The following SRGAP2C variants were observed in gnomAD, a reference collection of about 807,000 sequenced individuals.
SRGAP2C encodes the protein SLIT-ROBO Rho GTPase-activating protein 2C.
In SRGAP2C, 15 loss-of-function variants were observed where a neutral mutation model predicts 25.1. The ratio of observed to expected loss-of-function variants is 0.60; its 90% CI spans 0.40 to 0.92. The LOEUF (loss-of-function observed/expected upper bound fraction) is 0.92. Ranked by LOEUF, SRGAP2C falls within the 40% of genes least tolerant of loss-of-function variation. The pLI is 0.00. For synonymous variants in SRGAP2C, 44 were observed against 96.6 expected (o/e 0.46, Z 3.19); for missense variants, 144 against 264.4 (o/e 0.54, Z 3.16).
intron 4 of SRGAP2C, among the ~76,000 whole-genome samples, chr1:121,351,542 G>A (rs1379408762): frequency 1.4e-3 from 192 of 141,180 alleles, no homozygotes; most frequent in African/African-American, 4.8e-3. Flanking sequence ...CCCAGGAGGC[G>A]GAGCTTGCAG....
At chr1:121,302,334 T>C (rs1311852129) in intron 3 of SRGAP2C, among the ~76,000 whole-genome samples, 1 of 152,226 alleles carries the variant, frequency 6.6e-6, no homozygotes, top group Non-Finnish European at 1.5e-5. Context: ...TTTGCCATAA[T>C]GTTAGACTCA....
At chr1:121,285,474 G>A (rs1657342271) in intron 3 of SRGAP2C, among the ~76,000 whole-genome samples, 2 of 149,640 alleles carry the variant, frequency 1.3e-5, no homozygotes, top group Non-Finnish European at 3.0e-5. Flanking sequence ...TTGGGCTGCA[G>A]GGTCTATATT....
intron 3 of SRGAP2C, among the ~76,000 whole-genome samples, chr1:121,306,215 T>C (rs1657833720): frequency 7.0e-6 from 1 of 143,108 alleles, no homozygotes; most frequent in Admixed American, 7.1e-5. Context: ...CCAGTGCCAT[T>C]GTCTGCCCTT....
At chr1:121,277,203 C>T (rs2101557374) in intron 2 of SRGAP2C, among the ~76,000 whole-genome samples, 1 of 138,704 alleles carries the variant, frequency 7.2e-6, no homozygotes, top group East Asian at 2.2e-4. Context: ...AATTATATAT[C>T]TTGTGCAATT....
chr1:121,210,070 C>T (rs1387397708), intron 2 of SRGAP2C, among the ~76,000 whole-genome samples: 24 of 151,556 alleles, frequency 1.6e-4, no homozygotes, highest in African/African-American at 9.7e-5. Context: ...GTTTGGAGAA[C>T]GATCTTAATC....
At chr1:121,329,837 A>G (rs1301750277) in intron 4 of SRGAP2C, among the ~76,000 whole-genome samples, 9 of 152,314 alleles carry the variant, frequency 5.9e-5, no homozygotes, top group Middle Eastern at 3.4e-3. Flanking sequence ...CAGCTTAAAA[A>G]CAGTCTGACT....
At chr1:121,323,993 C>T (rs1235055374) in intron 3 of SRGAP2C, among the ~76,000 whole-genome samples, 1 of 152,136 alleles carries the variant, frequency 6.6e-6, no homozygotes, top group South Asian at 2.1e-4. Context: ...TTCAGAATCA[C>T]CTTAGACCTG....
intron 2 of SRGAP2C, among the ~76,000 whole-genome samples, chr1:121,280,598 A>G (rs1657219730): frequency 6.6e-6 from 1 of 151,806 alleles, no homozygotes; most frequent in South Asian, 2.1e-4. Flanking sequence ...CTGGGCACTC[A>G]GGGGAGGCTG....
At chr1:121,217,723 G>A (rs1655426629) in intron 2 of SRGAP2C, among the ~76,000 whole-genome samples, 1 of 152,208 alleles carries the variant, frequency 6.6e-6, no homozygotes, top group African/African-American at 2.4e-5. Context: ...ACACTGGTAA[G>A]AAGCTAATGA....
chr1:121,336,689 C>A (rs1198138763), intron 4 of SRGAP2C, among the ~76,000 whole-genome samples: 1 of 90,312 alleles, frequency 1.1e-5, no homozygotes, highest in African/African-American at 3.9e-5. Flanking sequence ...TAGTCAAGAA[C>A]TTTCTCCTTT....
At chr1:121,303,585 T>C (rs1657747137) in intron 3 of SRGAP2C, among the ~76,000 whole-genome samples, 2 of 149,594 alleles carry the variant, frequency 1.3e-5, no homozygotes, top group African/African-American at 4.9e-5. Context: ...GGATGCTAAA[T>C]ATGCTCTTTG....
At chr1:121,315,565 A>C (rs1658078791) in intron 3 of SRGAP2C, among the ~76,000 whole-genome samples, 1 of 151,612 alleles carries the variant, frequency 6.6e-6, no homozygotes, top group South Asian at 2.1e-4. Flanking sequence ...AGCCCTTTAA[A>C]GTTTTGCCAG....
chr1:121,355,268 G>GGATA (rs1273218454), intron 4 of SRGAP2C, among the ~76,000 whole-genome samples: 1 of 142,126 alleles, frequency 7.0e-6, no homozygotes, highest in Non-Finnish European at 1.5e-5. Flanking sequence ...TGACATATAT[G>GGATA]GATACTGCGC....
intron 3 of SRGAP2C, among the ~76,000 whole-genome samples, chr1:121,293,588 G>A (rs1468342472): frequency 6.6e-6 from 1 of 152,116 alleles, no homozygotes; most frequent in Non-Finnish European, 1.5e-5. Context: ...ATTCAAAGAA[G>A]CTGGGACAGA....
intron 3 of SRGAP2C, among the ~76,000 whole-genome samples, chr1:121,314,577 A>G (rs1195197013): frequency 6.6e-6 from 1 of 150,876 alleles, no homozygotes; most frequent in Non-Finnish European, 1.5e-5. Flanking sequence ...TTGGTCTTTG[A>G]TGATGGTGAT....
chr1:121,223,505 TG>T (rs1207740664), intron 2 of SRGAP2C, among the ~76,000 whole-genome samples: 3 of 56,014 alleles, frequency 5.4e-5, no homozygotes, highest in African/African-American at 7.5e-5. Context: ...TGAATTTGAT[TG>T]TTTTTTTGGC....
At chr1:121,191,936 G>A (rs1258590365) in intron 2 of SRGAP2C, among the ~76,000 whole-genome samples, 2 of 144,952 alleles carry the variant, frequency 1.4e-5, no homozygotes, top group Admixed American at 7.0e-5. Flanking sequence ...AGAACAGTGT[G>A]TGTGCACCAC....
intron 6 of SRGAP2C, among the ~76,000 whole-genome samples, 190 bp downstream of exon 6, chr1:121,374,376 G>T (rs74696825): frequency 1.3e-5 from 2 of 151,782 alleles, no homozygotes; most frequent in African/African-American, 2.4e-5. Context: ...AACTGGGCAC[G>T]TGGGATCCAA....
intron 2 of SRGAP2C, among the ~76,000 whole-genome samples, chr1:121,270,918 G>T (rs369432504): frequency 1.3e-5 from 2 of 150,460 alleles, no homozygotes; most frequent in African/African-American, 4.9e-5. Context: ...TCAGCCTCCT[G>T]AGTAGCTGGG....
Sources: gnomAD v4.1 joint callset for allele counts (sites outside exome capture counted in the v4.1 genomes callset) on GRCh38, gnomAD v4.1.1 for gene constraint, MANE v1.5 for transcripts, NCBI Gene and HGNC (gene_info 2026-07-23, HGNC 2026-07-21) for gene names.